Variants in CNNM2 observed in about 807,000 individuals in gnomAD.
CNNM2 encodes metal transporter CNNM2.
A neutral mutation model predicts 66.9 loss-of-function variants in CNNM2; 12 were observed. The observed-to-expected ratio is 0.18, with a 90% CI of 0.11 to 0.29. The LOEUF is 0.29. Ranked by LOEUF, CNNM2 falls within the 10% of genes least tolerant of loss-of-function variation. The probability of loss-of-function intolerance (pLI) is 1.00; values close to 1 mark genes in which losing one functional copy is unlikely to be tolerated. For missense variants in CNNM2, 705 were observed against 1,167.7 expected (o/e 0.60, Z 5.77); for synonymous variants, 557 against 501.8 (o/e 1.11, Z -1.47).
At position 103,084,149 on chromosome 10, in the gene CNNM2, C is replaced by T. The variant is rs2065781536; in HGVS notation, c.*6969C>T. On this transcript the variant is annotated 3_prime_UTR_variant, in exon 8 of 8. Coordinates refer to ENST00000369878, the MANE Select transcript of CNNM2 (RefSeq NM_017649.5). Reference sequence around the variant, plus strand: ...TCCTAAACCACATCTTTTTGGAATCCCTTTTCTCTCCACTTTTAGTCTCTA... The same window carrying T: ...TCCTAAACCACATCTTTTTGGAATCTCTTTTCTCTCCACTTTTAGTCTCTA... The T allele has an allele frequency of 6.6e-6, 1 of 152,130 alleles. No individual in the cohort carries two copies. 9.4% of individuals were successfully genotyped at this position (152,130 alleles called of 1,614,324 possible). A position where few individuals can be genotyped will look rare whatever the true frequency, so the allele number is the denominator to read the frequency against.
intron 1 of CNNM2, among the ~76,000 whole-genome samples, chr10:103,039,086 G>A (rs2064993205): frequency 6.6e-6 from 1 of 152,090 alleles, no homozygotes; most frequent in Middle Eastern, 3.4e-3. Context: ...TTTCCTAAAT[G>A]AAATTGTATT....
chr10:102,989,104 A>G (rs1447838004), intron 1 of CNNM2, among the ~76,000 whole-genome samples: 1 of 152,190 alleles, frequency 6.6e-6, no homozygotes, highest in East Asian at 1.9e-4. Flanking sequence ...ACAATTCTAA[A>G]TATTTAGTTC....
chr10:103,018,111 T>C (rs2064492613), intron 1 of CNNM2, among the ~76,000 whole-genome samples: 1 of 152,002 alleles, frequency 6.6e-6, no homozygotes, highest in Non-Finnish European at 1.5e-5. Context: ...AAAGATTACT[T>C]TGGCTTTTCT....
chr10:103,069,329 C>T (rs561065246), intron 5 of CNNM2, among the ~76,000 whole-genome samples: 2 of 152,110 alleles, frequency 1.3e-5, no homozygotes, highest in African/African-American at 2.4e-5. Flanking sequence ...CTGCTGGGTG[C>T]GCACCTGGGA....
intron 1 of CNNM2, among the ~76,000 whole-genome samples, chr10:102,997,699 G>A (rs1344399493): frequency 6.6e-6 from 1 of 152,046 alleles, no homozygotes; most frequent in African/African-American, 2.4e-5. Flanking sequence ...ACCATTATAA[G>A]GTCCCATATG....
At position 103,084,254 on chromosome 10, in the gene CNNM2, A is replaced by G. The variant is rs12785223; in HGVS notation, c.*7074A>G. On this transcript the variant is annotated 3_prime_UTR_variant, in exon 8 of 8. Coordinates refer to ENST00000369878, the MANE Select transcript of CNNM2 (RefSeq NM_017649.5). ...TTTATAGTCTCCACTGAATTTATTT[A>G]ACCGTGGCATTTGCAGTCTTTTACT... The G allele has an allele frequency of 0.31, 47,091 of 152,042 alleles. 7,450 individuals are homozygous for G. Among genetic ancestry groups the G allele is most frequent in the Middle Eastern group, 0.36 (106 of 294 alleles). 9.4% of individuals were successfully genotyped at this position (152,042 alleles called of 1,614,324 possible). A position where few individuals can be genotyped will look rare whatever the true frequency, so the allele number is the denominator to read the frequency against.
Position 103,077,196 on chromosome 10 carries a change from C to T in CNNM2, c.*16C>T. On this transcript the variant is annotated 3_prime_UTR_variant, in exon 8 of 8. Coordinates refer to ENST00000369878, the MANE Select transcript of CNNM2 (RefSeq NM_017649.5). ...CGCCATCTAGGCCGCGCTGGCTGCA[C>T]CCGCCCAGGCCCGCACCCGCCCAGT... The T allele has an allele frequency of 6.2e-7, 1 of 1,607,298 alleles. No individual in the cohort carries two copies.
intron 4 of CNNM2, chr10:103,068,330 C>T (rs1370339849): frequency 3.5e-6 from 1 of 289,334 alleles, no homozygotes; most frequent in Non-Finnish European, 6.7e-6. Context: ...GCCTAGGTAA[C>T]ATAAGGAGAT....
chr10:102,967,446 C>T (rs1013712460), intron 1 of CNNM2, among the ~76,000 whole-genome samples: 16 of 152,200 alleles, frequency 1.1e-4, no homozygotes, highest in African/African-American at 3.4e-4. Context: ...CTTTCATCTC[C>T]AGCCTCTGGC....
At position 103,049,829 on chromosome 10, in the gene CNNM2, C is replaced by G; in HGVS notation, c.1744C>G (p.Leu582Val). ...VIEEIIKSEILDETDLYTDNR... is the reference protein window; with the variant it reads ...VIEEIIKSEIVDETDLYTDNR... ...TGAAGAAATCATCAAATCTGAGATTCTTGATGAAACAGATTTATACAGTAA... is the reference window on the plus strand; with the variant it reads ...TGAAGAAATCATCAAATCTGAGATTGTTGATGAAACAGATTTATACAGTAA... The change falls in exon 2 of 8, where the codon CTT becomes GTT. Residue 582 changes from leucine to valine, a missense_variant. Coordinates refer to ENST00000369878, the MANE Select transcript of CNNM2 (RefSeq NM_017649.5). 1 of 1,613,766 alleles carries G rather than the reference C, an allele frequency of 6.2e-7. No individual in the cohort carries two copies. Among genetic ancestry groups the G allele is most frequent in the Non-Finnish European group, 8.5e-7 (1 of 1,179,766 alleles).
chr10:102,952,622 CAA>C (rs35818455), intron 1 of CNNM2, among the ~76,000 whole-genome samples: 12 of 127,060 alleles, frequency 9.4e-5, no homozygotes, highest in African/African-American at 8.9e-5. Flanking sequence ...CTGTCTCTAC[CAA>C]AAAAAAAAAA....
intron 1 of CNNM2, among the ~76,000 whole-genome samples, chr10:103,044,479 C>A (rs2065095333): frequency 6.6e-6 from 1 of 151,912 alleles, no homozygotes; most frequent in African/African-American, 2.4e-5. Flanking sequence ...TCACTTGAGC[C>A]CAGGAGTTCA....
Position 102,933,901 on chromosome 10 carries a change from C to A in CNNM2, c.1621+13800C>A, listed in dbSNP as rs10786726. ...CCAGGCCAGATTGCAGTGGTACAGTCATAACTCACTGCAGCCTCAAACCCT... is the reference window on the plus strand; with the variant it reads ...CCAGGCCAGATTGCAGTGGTACAGTAATAACTCACTGCAGCCTCAAACCCT... On this transcript the variant is annotated intron_variant, in intron 1 of 7. Transcript: ENST00000369878. Among the ~76,000 whole-genome samples the A allele has an allele frequency of 0.11, 16,023 of 152,160 alleles. 1,096 individuals carry two copies. The highest frequency in any genetic ancestry group is 0.15 in the Non-Finnish European group (10,074 of 67,996).
intron 1 of CNNM2, among the ~76,000 whole-genome samples, chr10:102,975,402 G>T (rs1030857968): frequency 1.4e-5 from 2 of 146,676 alleles, no homozygotes; most frequent in African/African-American, 5.0e-5. Context: ...GCAGAGTGGT[G>T]ACAGTGAACT....
At chr10:102,995,136 C>A (rs2063966636) in intron 1 of CNNM2, among the ~76,000 whole-genome samples, 1 of 148,582 alleles carries the variant, frequency 6.7e-6, no homozygotes, top group Non-Finnish European at 1.5e-5. Flanking sequence ...TTTTCTTCTT[C>A]TTATTCTTCC....
At chr10:103,012,759 C>G (rs2064368926) in intron 1 of CNNM2, among the ~76,000 whole-genome samples, 1 of 149,414 alleles carries the variant, frequency 6.7e-6, no homozygotes, top group South Asian at 2.1e-4. Context: ...TTCTCTACAA[C>G]AACAGTCTGT....
intron 1 of CNNM2, among the ~76,000 whole-genome samples, chr10:103,010,792 T>C (rs1236003251): frequency 1.3e-5 from 2 of 152,036 alleles, no homozygotes; most frequent in Non-Finnish European, 2.9e-5. Context: ...TTTGTATTTT[T>C]AGTAGAGACA....
intron 1 of CNNM2, among the ~76,000 whole-genome samples, chr10:103,045,584 AC>A (rs2065114333): frequency 6.6e-6 from 1 of 151,316 alleles, no homozygotes; most frequent in African/African-American, 2.4e-5. Flanking sequence ...AAGCTCTTGC[AC>A]CCCACCCCCC....
chr10:102,982,387 CAAAT>C (rs1318510381), intron 1 of CNNM2, among the ~76,000 whole-genome samples: 25 of 152,282 alleles, frequency 1.6e-4, no homozygotes, highest in African/African-American at 6.0e-4. Flanking sequence ...ATTTGTCAGA[CAAAT>C]GAATGAAATG....
Sources: gnomAD v4.1 joint callset for allele counts (sites outside exome capture counted in the v4.1 genomes callset) on GRCh38, gnomAD v4.1.1 for gene constraint, MANE v1.5 for transcripts, NCBI Gene and HGNC (gene_info 2026-07-23, HGNC 2026-07-21) for gene names.